The following PDE3A variants were observed in gnomAD, a reference collection of about 807,000 sequenced individuals.
The protein encoded by PDE3A is cGMP-inhibited 3',5'-cyclic phosphodiesterase 3A.
A neutral mutation model predicts 98.3 loss-of-function variants in PDE3A; 43 were observed. That is an observed-to-expected ratio of 0.44 (90% CI 0.34 to 0.56). The LOEUF is 0.56. PDE3A is among the 20% of genes least tolerant of loss of function. The pLI is 0.01. For missense variants in PDE3A, 1,427 were observed against 1,440.7 expected, an observed-to-expected ratio of 0.99 and a Z score of 0.15; for synonymous variants, 663 against 567.9, an observed-to-expected ratio of 1.17 and a Z score of -2.38.
chr12:20,550,554 G>T (rs1304628720), intron 1 of PDE3A, among the ~76,000 whole-genome samples: 3 of 151,936 alleles, frequency 2.0e-5, no homozygotes, highest in African/African-American at 7.2e-5. Context: ...ATGATATAAT[G>T]CCAGTAAATC....
intron 1 of PDE3A, among the ~76,000 whole-genome samples, chr12:20,549,675 T>A (rs1055821492): frequency 1.3e-5 from 2 of 152,090 alleles, no homozygotes; most frequent in Non-Finnish European, 2.9e-5. Flanking sequence ...AGCCATAGTG[T>A]ACATTTTAAA....
At chr12:20,531,691 A>G (rs1259845900) in intron 1 of PDE3A, among the ~76,000 whole-genome samples, 2 of 152,160 alleles carry the variant, frequency 1.3e-5, no homozygotes, top group Non-Finnish European at 2.9e-5. Context: ...TTGCACTGTA[A>G]CTATTTCTTT....
rs1246723663 is a variant in PDE3A at position 20,687,474 on chromosome 12, T to A, written c.*7203T>A. Among the ~76,000 whole-genome samples, 1 of 144,966 alleles carries A rather than the reference T, an allele frequency of 6.9e-6. No homozygotes were observed. The highest frequency in any genetic ancestry group is 2.5e-5 in the African/African-American group (1 of 40,030). On this transcript the variant is annotated 3_prime_UTR_variant, in exon 16 of 16. Transcript: ENST00000359062. ...ACTCTGTAAAATATTTGCATGGGAA[T>A]TTTAGCTTATTATGTTTGCTTAACT...
chr12:20,586,898 C>T (rs1249292236), intron 2 of PDE3A, among the ~76,000 whole-genome samples: 1 of 132,282 alleles, frequency 7.6e-6, no homozygotes, highest in African/African-American at 2.7e-5. Context: ...TATATAGAAT[C>T]TCATTCAGAT....
At chr12:20,659,118 A>G (rs1314305132) in intron 15 of PDE3A, among the ~76,000 whole-genome samples, 1 of 152,152 alleles carries the variant, frequency 6.6e-6, no homozygotes, top group Non-Finnish European at 1.5e-5. Context: ...AGTATTTGCC[A>G]GTTAGTTTGA....
chr12:20,552,907 C>T lies in PDE3A; in HGVS notation c.961-3753C>T, dbSNP rs1377404699. ...CTTTCGGGCACAGGTGTTCAGCTGC[C>T]CTGCCTGCCGCTACGACCTGGGCCG... On this transcript the variant is annotated intron_variant, in intron 1 of 15. Coordinates refer to ENST00000359062, the MANE Select transcript of PDE3A (RefSeq NM_000921.5). The surrounding 1 kb of genome is among the most constrained non-coding windows in gnomAD (Gnocchi z 5.1). The T allele has an allele frequency of 6.2e-7, 1 of 1,603,234 alleles. No homozygotes were observed. The highest frequency in any genetic ancestry group is 1.3e-5 in the African/African-American group (1 of 74,634).
chr12:20,672,989 A>C (rs955111991), intron 15 of PDE3A, among the ~76,000 whole-genome samples: 1 of 151,582 alleles, frequency 6.6e-6, no homozygotes, highest in East Asian at 1.9e-4. Flanking sequence ...CAATGAACTC[A>C]TACAAATTTA....
At chr12:20,593,206 G>T (rs1943381838) in intron 2 of PDE3A, among the ~76,000 whole-genome samples, 1 of 152,194 alleles carries the variant, frequency 6.6e-6, no homozygotes, top group African/African-American at 2.4e-5. Context: ...GTGGTAGGCA[G>T]AAGTAACACC....
At chr12:20,495,889 C>G (rs989976232) in intron 1 of PDE3A, among the ~76,000 whole-genome samples, 2 of 152,138 alleles carry the variant, frequency 1.3e-5, no homozygotes, top group African/African-American at 2.4e-5. Context: ...ACTAAATGGA[C>G]AACATTTAAC....
chr12:20,494,749 T>A (rs186623414), intron 1 of PDE3A, among the ~76,000 whole-genome samples: 4 of 152,272 alleles, frequency 2.6e-5, no homozygotes, highest in Admixed American at 6.5e-5. Flanking sequence ...CGTTCTGCAC[T>A]GAAATATTTA....
chr12:20,654,240 C>T, intron 15 of PDE3A, 35 bp downstream of exon 15: 2 of 1,597,520 alleles, frequency 1.3e-6, no homozygotes, highest in Non-Finnish European at 1.7e-6. Flanking sequence ...TGTGTTTTCC[C>T]TGGGATTGCT....
chr12:20,505,330 G>T lies in PDE3A; in HGVS notation c.961-51330G>T, dbSNP rs140226664. On this transcript the variant is annotated intron_variant, in intron 1 of 15. Coordinates refer to ENST00000359062, the MANE Select transcript of PDE3A (RefSeq NM_000921.5). ...ACTTTGCAATCTCTTATGAATCATT[G>T]TTTTTGTCACTGTACCTCATTTGCT... Among the ~76,000 whole-genome samples the T allele has an allele frequency of 6.6e-3, 999 of 152,088 alleles. 11 individuals are homozygous for T. Among genetic ancestry groups the T allele is most frequent in the African/African-American group, 0.022 (924 of 41,504 alleles).
intron 2 of PDE3A, among the ~76,000 whole-genome samples, chr12:20,558,091 T>C (rs12229360): frequency 6.6e-6 from 1 of 152,016 alleles, no homozygotes; most frequent in Non-Finnish European, 1.5e-5. Context: ...AGCAAGGTAG[T>C]GTTATATATA....
chr12:20,453,212 C>T (rs1475689734), intron 1 of PDE3A, among the ~76,000 whole-genome samples: 5 of 134,510 alleles, frequency 3.7e-5, no homozygotes, highest in Admixed American at 8.8e-5. Context: ...CCCACTGTGT[C>T]GCCCAGGCTG....
At chr12:20,557,304 A>G (rs1942395307) in intron 2 of PDE3A, 3 of 152,774 alleles carry the variant, frequency 2.0e-5, no homozygotes, top group African/African-American at 7.2e-5. Flanking sequence ...ACCTAATTAG[A>G]CAATGTGGAT....
chr12:20,382,480 G>C (rs1026208855), intron 1 of PDE3A, among the ~76,000 whole-genome samples: 1 of 151,960 alleles, frequency 6.6e-6, no homozygotes, highest in East Asian at 1.9e-4. Flanking sequence ...ATACCTCAAA[G>C]AAGTTTTCTT....
chr12:20,524,872 C>T lies in PDE3A; in HGVS notation c.961-31788C>T, dbSNP rs577322333. On this transcript the variant is annotated intron_variant, in intron 1 of 15. Coordinates refer to ENST00000359062, the MANE Select transcript of PDE3A (RefSeq NM_000921.5). Reference sequence around the variant, plus strand: ...GAGCTAGGCCGGGCTCGGTGGCTCACGCCTGTAATCCCAGCACTTTGGGAG... The same window carrying T: ...GAGCTAGGCCGGGCTCGGTGGCTCATGCCTGTAATCCCAGCACTTTGGGAG... 8.5e-5 allele frequency among the ~76,000 whole-genome samples: 13 copies of T among 152,178 alleles called. No individual in the cohort carries two copies. The East Asian group carries it at 1.6e-3, about 18-fold the overall frequency.
At chr12:20,570,094 C>A (rs573741704) in intron 2 of PDE3A, among the ~76,000 whole-genome samples, 5 of 152,050 alleles carry the variant, frequency 3.3e-5, no homozygotes, top group African/African-American at 1.2e-4. Context: ...TGATGAAAAG[C>A]AAGAGAGGGA....
chr12:20,519,600 A>G (rs1312950237), intron 1 of PDE3A, among the ~76,000 whole-genome samples: 1 of 152,242 alleles, frequency 6.6e-6, no homozygotes, highest in Non-Finnish European at 1.5e-5. Flanking sequence ...TTTAATACGA[A>G]TATAATTCAG....
Sources: gnomAD v4.1 joint callset for allele counts (sites outside exome capture counted in the v4.1 genomes callset) on GRCh38, gnomAD v4.1.1 for gene constraint, Gnocchi (gnomAD v3.1) non-coding constraint, MANE v1.5 for transcripts, NCBI Gene and HGNC (gene_info 2026-07-23, HGNC 2026-07-21) for gene names.